Variants in B3GALT1 observed in about 807,000 individuals in gnomAD.
The protein encoded by B3GALT1 is UDP-Gal:betaGlcNAc beta 1,3-galactosyltransferase, polypeptide 1.
A neutral mutation model predicts 23.2 loss-of-function variants in B3GALT1; 10 were observed. That is an observed-to-expected ratio of 0.43 (90% CI 0.27 to 0.73). B3GALT1 has a LOEUF of 0.73. Ranked by LOEUF, B3GALT1 falls within the 30% of genes least tolerant of loss-of-function variation. B3GALT1 has a pLI of 0.21. For missense variants in B3GALT1, 299 were observed against 405.4 expected (o/e 0.74, Z 2.25); for synonymous variants, 156 against 141.5 (o/e 1.10, Z -0.73).
intron 4 of B3GALT1, among the ~76,000 whole-genome samples, chr2:167,837,095 G>T (rs951845662): frequency 3.9e-5 from 6 of 152,162 alleles, no homozygotes; most frequent in Non-Finnish European, 5.9e-5. Flanking sequence ...AAAGACCATC[G>T]AGGCTAGGAA....
intron 3 of B3GALT1, among the ~76,000 whole-genome samples, chr2:167,749,769 G>C (rs1346244204): frequency 2.0e-5 from 3 of 152,120 alleles, no homozygotes; most frequent in Admixed American, 1.3e-4. Flanking sequence ...TAGTTTTATA[G>C]CAAAAAGAAT....
intron 3 of B3GALT1, among the ~76,000 whole-genome samples, chr2:167,766,526 G>T (rs1353917721): frequency 2.6e-5 from 4 of 152,106 alleles, no homozygotes; most frequent in Admixed American, 6.6e-5. Context: ...AGAACTGAGG[G>T]TCCTGGGAAT....
rs148510873 is a variant in B3GALT1 at position 167,797,634 on chromosome 2, A to C, written c.-351-21038A>C. Among the ~76,000 whole-genome samples the C allele has an allele frequency of 5.4e-3, 824 of 152,182 alleles. 9 individuals carry two copies. The highest frequency in any genetic ancestry group is 0.019 in the African/African-American group (775 of 41,516). On this transcript the variant is annotated intron_variant, in intron 3 of 4. Coordinates refer to ENST00000392690, the MANE Select transcript of B3GALT1 (RefSeq NM_020981.4). Reference sequence around the variant, plus strand: ...TTCCTTTTTCTTCGCAACCTCACCAACATCTGTTGTTTCTTGACTTTTAAT... The same window carrying C: ...TTCCTTTTTCTTCGCAACCTCACCACCATCTGTTGTTTCTTGACTTTTAAT...
chr2:167,420,806 C>G (rs929749489), intron 1 of B3GALT1, among the ~76,000 whole-genome samples: 6 of 152,106 alleles, frequency 3.9e-5, no homozygotes, highest in African/African-American at 7.2e-5. Context: ...ATGATGCATA[C>G]TTTGTTAAGG....
intron 1 of B3GALT1, among the ~76,000 whole-genome samples, chr2:167,479,780 A>G (rs1699535986): frequency 6.6e-6 from 1 of 152,124 alleles, no homozygotes; most frequent in African/African-American, 2.4e-5. Context: ...TGTAATAAAG[A>G]AAGAGTTTAA....
chr2:167,851,809 A>G (rs1334221925), intron 4 of B3GALT1, among the ~76,000 whole-genome samples: 1 of 152,198 alleles, frequency 6.6e-6, no homozygotes, highest in Admixed American at 6.5e-5. Flanking sequence ...GGGAACCAGA[A>G]GCATTGGCAC....
At chr2:167,704,185 A>AC (rs990351803) in intron 3 of B3GALT1, among the ~76,000 whole-genome samples, 8 of 150,124 alleles carry the variant, frequency 5.3e-5, no homozygotes, top group East Asian at 1.9e-4. Flanking sequence ...AGTCTCAACA[A>AC]AAAAAAAAAA....
At chr2:167,670,344 G>T (rs1686301654) in intron 3 of B3GALT1, among the ~76,000 whole-genome samples, 1 of 152,162 alleles carries the variant, frequency 6.6e-6, no homozygotes, top group Non-Finnish European at 1.5e-5. Flanking sequence ...AGTAGAGTAG[G>T]CACACCCATA....
At chr2:167,379,627 G>C (rs1018144841) in intron 1 of B3GALT1, among the ~76,000 whole-genome samples, 1 of 152,160 alleles carries the variant, frequency 6.6e-6, no homozygotes, top group African/African-American at 2.4e-5. Context: ...GCATGTATTT[G>C]ATTCTTGTTT....
chr2:167,807,279 C>T (rs547192123), intron 3 of B3GALT1, among the ~76,000 whole-genome samples: 2 of 151,938 alleles, frequency 1.3e-5, no homozygotes, highest in Non-Finnish European at 2.9e-5. Context: ...CTGGATTCAT[C>T]GAATTTTTGA....
chr2:167,786,073 C>T (rs561597965), intron 3 of B3GALT1, among the ~76,000 whole-genome samples: 12 of 152,322 alleles, frequency 7.9e-5, no homozygotes, highest in African/African-American at 2.9e-4. Flanking sequence ...GCTATTAAAT[C>T]AACACAGATG....
intron 3 of B3GALT1, among the ~76,000 whole-genome samples, chr2:167,667,292 G>C (rs1686217231): frequency 6.6e-6 from 1 of 152,184 alleles, no homozygotes; most frequent in Non-Finnish European, 1.5e-5. Context: ...ACTCTCTTCT[G>C]GCTCGTAGAG....
intron 3 of B3GALT1, among the ~76,000 whole-genome samples, chr2:167,795,658 C>T (rs757204343): frequency 2.0e-5 from 3 of 152,190 alleles, no homozygotes; most frequent in Non-Finnish European, 4.4e-5. Context: ...GTTGCCCCCA[C>T]ATCCTCTACC....
At chr2:167,360,593 A>G (rs974693039) in intron 1 of B3GALT1, among the ~76,000 whole-genome samples, 31 of 152,072 alleles carry the variant, frequency 2.0e-4, no homozygotes, top group Admixed American at 4.6e-4. Context: ...CATCTTTTAA[A>G]ATATATTTTT....
chr2:167,445,317 G>T (rs6720410), intron 1 of B3GALT1, among the ~76,000 whole-genome samples: 1 of 152,202 alleles, frequency 6.6e-6, no homozygotes, highest in Non-Finnish European at 1.5e-5. Context: ...AGTGCGATGT[G>T]GTGCTGAGAG....
At chr2:167,508,684 A>G (rs1228656) in intron 2 of B3GALT1, among the ~76,000 whole-genome samples, 8,978 of 152,208 alleles carry the variant, frequency 0.059, 620 homozygotes, top group African/African-American at 0.17. Flanking sequence ...AAAATGTGTT[A>G]AAAGTATTAA....
chr2:167,512,622 G>GTA (rs1491336747), intron 2 of B3GALT1, among the ~76,000 whole-genome samples: 2 of 42,376 alleles, frequency 4.7e-5, no homozygotes, highest in East Asian at 0.023. Context: ...ATATATATAC[G>GTA]TGTATATATA....
intron 1 of B3GALT1, among the ~76,000 whole-genome samples, chr2:167,352,050 C>G (rs373186502): frequency 6.7e-6 from 1 of 149,888 alleles, no homozygotes; most frequent in African/African-American, 2.5e-5. Flanking sequence ...ACCTCTGCCT[C>G]CCGGGTTCAA....
chr2:167,838,080 A>G (rs1689529953), intron 4 of B3GALT1, among the ~76,000 whole-genome samples: 1 of 148,726 alleles, frequency 6.7e-6, no homozygotes, highest in African/African-American at 2.5e-5. Context: ...AGCAGGAAAG[A>G]TCCAAAATTG....
Sources: gnomAD v4.1 joint callset for allele counts (sites outside exome capture counted in the v4.1 genomes callset) on GRCh38, gnomAD v4.1.1 for gene constraint, MANE v1.5 for transcripts, NCBI Gene and HGNC (gene_info 2026-07-23, HGNC 2026-07-21) for gene names.